The following OCIAD2 variants were observed in gnomAD, a reference collection of about 807,000 sequenced individuals.
The protein encoded by OCIAD2 is OCIA domain containing 2.
OCIAD2 carries 29 observed loss-of-function variants against 22.9 expected under a neutral mutation model. The observed-to-expected ratio is 1.27, with a 90% CI of 0.94 to 1.73. The LOEUF is 1.73. OCIAD2 is among the 40% of genes most tolerant of loss of function. The probability of loss-of-function intolerance (pLI) is 0.00; values close to 1 mark genes in which losing one functional copy is unlikely to be tolerated. For synonymous variants in OCIAD2, 67 were observed against 60.2 expected, an observed-to-expected ratio of 1.11 and a Z score of -0.52; for missense variants, 189 against 180.3, an observed-to-expected ratio of 1.05 and a Z score of -0.28.
At chr4:48,885,654 C>A in intron 6 of OCIAD2, 89 bp from the exon 7 acceptor site, 1 of 747,636 alleles carries the variant, frequency 1.3e-6, no homozygotes, top group Non-Finnish European at 2.3e-6. Flanking sequence ...ATTATTTTAA[C>A]ATAATCTTTT....
rs144155091 is a variant in OCIAD2 at position 48,885,510 on chromosome 4, C to G, written c.439G>C (p.Gly147Arg). The G allele has an allele frequency of 1.2e-6, 2 of 1,609,916 alleles. No homozygotes were observed. Among genetic ancestry groups the G allele is most frequent in the Non-Finnish European group, 1.7e-6 (2 of 1,176,170 alleles). ...TAGGAAGCTGAAGGCTGAGAGTCTC[C>G]CTTCTCACTTAATCCATGCTTTATT... is the stretch of plus-strand genomic sequence containing the variant. ...CKIKHGLSEKGDSQPSAS is the reference protein window; with the variant it reads ...CKIKHGLSEKRDSQPSAS The change falls in exon 7 of 7, where the codon GGA becomes CGA. Residue 147 changes from glycine to arginine, a missense_variant. By Grantham distance (125) the Gly-to-Arg change is moderately radical. Coordinates refer to ENST00000508632, the MANE Select transcript of OCIAD2 (RefSeq NM_001014446.3).
chr4:48,901,625 TCTC>T (rs1247207957), intron 2 of OCIAD2, among the ~76,000 whole-genome samples: 1 of 152,246 alleles, frequency 6.6e-6, no homozygotes, highest in African/African-American at 2.4e-5. Context: ...ACACTGCCCT[TCTC>T]CTCTAGTTGT....
chr4:48,889,076 TG>T (rs1385022282), intron 6 of OCIAD2, among the ~76,000 whole-genome samples: 1 of 152,242 alleles, frequency 6.6e-6, no homozygotes, highest in Non-Finnish European at 1.5e-5. Flanking sequence ...GGAGGGTGTA[TG>T]TGTCCAGCAA....
chr4:48,901,220 C>G (rs1402234402), intron 2 of OCIAD2, among the ~76,000 whole-genome samples: 1 of 151,984 alleles, frequency 6.6e-6, no homozygotes, highest in Non-Finnish European at 1.5e-5. Flanking sequence ...ATCTAGTCTG[C>G]TGCTTCTAAC....
intron 6 of OCIAD2, among the ~76,000 whole-genome samples, chr4:48,887,082 T>C (rs1781009452): frequency 6.6e-6 from 1 of 152,254 alleles, no homozygotes; most frequent in Non-Finnish European, 1.5e-5. Context: ...TGCATTTCTC[T>C]GATGGTCAGT....
intron 2 of OCIAD2, among the ~76,000 whole-genome samples, chr4:48,901,337 G>A (rs1392163251): frequency 6.6e-6 from 1 of 152,042 alleles, no homozygotes; most frequent in African/African-American, 2.4e-5. Flanking sequence ...AAAGCTCAGG[G>A]TGTGCATATT....
intron 2 of OCIAD2, among the ~76,000 whole-genome samples, chr4:48,901,059 G>A (rs1010858036): frequency 1.3e-5 from 2 of 152,038 alleles, no homozygotes; most frequent in African/African-American, 4.8e-5. Flanking sequence ...GTTTAATGTG[G>A]TTCTTTTATT....
intron 6 of OCIAD2, among the ~76,000 whole-genome samples, chr4:48,889,959 A>G (rs1781119321): frequency 6.6e-6 from 1 of 152,172 alleles, no homozygotes. Context: ...CTTTGCAGGG[A>G]CACGGATGAA....
intron 6 of OCIAD2, among the ~76,000 whole-genome samples, chr4:48,889,584 A>G (rs1313424108): frequency 1.3e-5 from 2 of 152,246 alleles, no homozygotes; most frequent in Non-Finnish European, 2.9e-5. Context: ...TAGAATGGCG[A>G]TCATTAAAAA....
At chr4:48,904,350 T>A in intron 2 of OCIAD2, 134 bp downstream of exon 2, 1 of 803,948 alleles carries the variant, frequency 1.2e-6, no homozygotes, top group Non-Finnish European at 2.1e-6. Flanking sequence ...AGTGAGAAGC[T>A]CAAGTAGGAG....
At position 48,894,058 on chromosome 4, in the gene OCIAD2, G is replaced by C; in HGVS notation, c.218-5C>G. 1 of 1,405,326 alleles carries C rather than the reference G, an allele frequency of 7.1e-7. No homozygotes were observed. Among genetic ancestry groups the C allele is most frequent in the Non-Finnish European group, 9.5e-7 (1 of 1,047,274 alleles). 87.1% of individuals were successfully genotyped at this position (1,405,326 alleles called of 1,614,324 possible). On this transcript the variant is annotated splice_region_variant and splice_polypyrimidine_tract_variant and intron_variant, in intron 4 of 6. Coordinates refer to ENST00000508632, the MANE Select transcript of OCIAD2 (RefSeq NM_001014446.3). Reference sequence around the variant, plus strand: ...TAGAATTAGCTGCCAAATAACCTAAGGAGTAATAAAGAAAAACATTATTAT... The same window carrying C: ...TAGAATTAGCTGCCAAATAACCTAACGAGTAATAAAGAAAAACATTATTAT...
At chr4:48,903,631 A>C (rs1470840844) in intron 2 of OCIAD2, among the ~76,000 whole-genome samples, 1 of 151,676 alleles carries the variant, frequency 6.6e-6, no homozygotes, top group Admixed American at 6.6e-5. Flanking sequence ...AGAGTAAAGA[A>C]AGGGTTTTTT....
intron 4 of OCIAD2, among the ~76,000 whole-genome samples, chr4:48,895,637 C>G (rs1390721906): frequency 6.6e-6 from 1 of 152,222 alleles, no homozygotes; most frequent in Non-Finnish European, 1.5e-5. Flanking sequence ...GATACTGTTA[C>G]AATGGCAGTT....
intron 6 of OCIAD2, among the ~76,000 whole-genome samples, chr4:48,891,896 C>T (rs1411932497): frequency 6.6e-6 from 1 of 152,200 alleles, no homozygotes; most frequent in Non-Finnish European, 1.5e-5. Context: ...ATGGTGTCAC[C>T]TTCAGAAGGT....
intron 3 of OCIAD2, among the ~76,000 whole-genome samples, chr4:48,899,017 T>A (rs1259221767): frequency 6.6e-6 from 1 of 152,182 alleles, no homozygotes; most frequent in African/African-American, 2.4e-5. Flanking sequence ...AGAAAACACA[T>A]GAATTTCTGG....
chr4:48,899,120 A>C (rs1196747301), intron 3 of OCIAD2, among the ~76,000 whole-genome samples: 2 of 152,240 alleles, frequency 1.3e-5, no homozygotes, highest in African/African-American at 4.8e-5. Flanking sequence ...GAATGACTTA[A>C]GAAATCAAAA....
At chr4:48,900,498 G>A (rs1579157555) in intron 2 of OCIAD2, among the ~76,000 whole-genome samples, 2 of 151,952 alleles carry the variant, frequency 1.3e-5, no homozygotes, top group East Asian at 3.9e-4. Context: ...ACATTTATAA[G>A]TGGTGTGCAC....
In OCIAD2 at chr4:48,890,267, ATAAT is replaced by A. The variant is rs755286774; in HGVS notation, c.383+2501_383+2504del. 1.8e-4 allele frequency among the ~76,000 whole-genome samples: 27 copies of A among 152,142 alleles called. No individual in the cohort carries two copies. In the East Asian group the frequency reaches 4.1e-3, roughly 23 times the overall value. Reference sequence around the variant, plus strand: ...AACTTAAAGTTAAAAAAAAAAAGAAATAATAGGAGTTGTTGCTTGGTTTATGACC... The same window carrying A: ...AACTTAAAGTTAAAAAAAAAAAGAAAAGGAGTTGTTGCTTGGTTTATGACC... On this transcript the variant is annotated intron_variant, in intron 6 of 6. Transcript: ENST00000508632.
rs191172064 is a variant in OCIAD2, at chr4:48,891,613, C to G, written c.383+1159G>C. Among the ~76,000 whole-genome samples the G allele has an allele frequency of 2.4e-3, 363 of 152,294 alleles. 3 individuals carry two copies. Among genetic ancestry groups the G allele is most frequent in the Non-Finnish European group, 9.7e-4 (66 of 68,016 alleles). ...AAGTGGGTTAATTGCAAAAGACACT[C>G]CTGAAATTGAAGAGGAAGAGGAAGA... On this transcript the variant is annotated intron_variant, in intron 6 of 6. Coordinates refer to ENST00000508632, the MANE Select transcript of OCIAD2 (RefSeq NM_001014446.3).
Sources: gnomAD v4.1 joint callset for allele counts (sites outside exome capture counted in the v4.1 genomes callset) on GRCh38, gnomAD v4.1.1 for gene constraint, MANE v1.5 for transcripts, NCBI Gene and HGNC (gene_info 2026-07-23, HGNC 2026-07-21) for gene names.